The following BMP10 variants were observed in gnomAD, a reference collection of about 807,000 sequenced individuals.
BMP10 encodes the protein bone morphogenetic protein 10.
A neutral mutation model predicts 29.9 loss-of-function variants in BMP10; 9 were observed. The observed-to-expected ratio is 0.30, with a 90% confidence interval of 0.18 to 0.53. The LOEUF (loss-of-function observed/expected upper bound fraction) is 0.53, where lower values mean the gene tolerates loss of function less well. Among genes scored for constraint, BMP10 ranks in the 20% least tolerant of loss-of-function variants. The probability of loss-of-function intolerance (pLI) is 0.96; values close to 1 mark genes in which losing one functional copy is unlikely to be tolerated. For missense variants in BMP10, 474 were observed against 524.3 expected (o/e 0.90, Z 0.94); for synonymous variants, 202 against 200.2 (o/e 1.01, Z -0.07).
chr2:68,868,169 G>A (rs947289342), intron 1 of BMP10, among the ~76,000 whole-genome samples: 12 of 152,168 alleles, frequency 7.9e-5, no homozygotes, highest in Non-Finnish European at 4.4e-5. Context: ...ACAATTGAAT[G>A]GATTTGTAAA....
At position 68,866,255 on chromosome 2, in the gene BMP10, G is replaced by T. The variant is rs1417094459; in HGVS notation, c.651C>A (p.Thr217=). ...TCTCAATGTGGACCTCCAGCTGGTG[G>T]GTGGATGAGCCTGACTTTTGCCAAC... ...IRRWQKSGSS[T]HQLEVHIESK... The change falls in exon 2 of 2, where the codon ACC becomes ACA. Residue 217 remains threonine (T), a synonymous_variant. Transcript: ENST00000295379. The T allele has an allele frequency of 1.2e-6, 2 of 1,613,932 alleles. No individual in the cohort carries two copies. The highest frequency in any genetic ancestry group is 1.7e-6 in the Non-Finnish European group (2 of 1,179,966).
rs780683420 is a variant in BMP10 at position 68,866,289 on chromosome 2, G to C, written c.617C>G (p.Ala206Gly). ...GCCTGACTTTTGCCAACGTCTGATG[G>C]CATCTGTGACATCAAAAGTCTCCCA... is the stretch of plus-strand genomic sequence containing the variant. ...SEWETFDVTD[A>G]IRRWQKSGSS... The change falls in exon 2 of 2, where the codon GCC becomes GGC. Residue 206 changes from alanine to glycine, a missense_variant. This residue lies in a region of BMP10 where 408 missense variants were observed against 415.3 expected (regional missense o/e 0.98). Transcript: ENST00000295379. 6.2e-7 allele frequency: 1 copy of C among 1,613,922 alleles called. No homozygotes were observed. The highest frequency in any genetic ancestry group is 2.2e-5 in the East Asian group (1 of 44,868).
rs1171166044 is a variant in BMP10 at position 68,865,545 on chromosome 2, T to G, written c.*86A>C. The G allele has an allele frequency of 7.3e-7, 1 of 1,364,606 alleles. No individual in the cohort carries two copies. The highest frequency in any genetic ancestry group is 1.5e-5 in the African/African-American group (1 of 68,492). 84.5% of individuals were successfully genotyped at this position (1,364,606 alleles called of 1,614,324 possible). ...CCTGAAGGCAGCAAGCCTCTATTAC[T>G]GTACACCCTTATTAAATAATCTCAT... On this transcript the variant is annotated 3_prime_UTR_variant, in exon 2 of 2. Coordinates refer to ENST00000295379, the MANE Select transcript of BMP10 (RefSeq NM_014482.3). This position sits in a 1 kb window ranked among gnomAD's most constrained non-coding sequence, Gnocchi z 4.7.
At position 68,870,110 on chromosome 2, in the gene BMP10, C is replaced by T. The variant is rs529749455; in HGVS notation, c.334+915G>A. Among the ~76,000 whole-genome samples, 20 of 152,262 alleles carry T rather than the reference C, an allele frequency of 1.3e-4. 1 individual carries two copies. Among genetic ancestry groups the T allele is most frequent in the Non-Finnish European group, 2.1e-4 (14 of 68,030 alleles). On this transcript the variant is annotated intron_variant, in intron 1 of 1. Coordinates refer to ENST00000295379, the MANE Select transcript of BMP10 (RefSeq NM_014482.3). The stretch of plus-strand genomic sequence containing the variant: ...TTCAAGAACATCTGGCCAATATTAA[C>T]GGGAAGCTTCTTTTATACCTGGTTA...
chr2:68,869,624 T>C (rs1657840113), intron 1 of BMP10, among the ~76,000 whole-genome samples: 1 of 152,160 alleles, frequency 6.6e-6, no homozygotes, highest in South Asian at 2.1e-4. Context: ...AGCCAGACAC[T>C]TAGGGCTCAG....
rs1031366838 is a variant in BMP10, at chr2:68,867,690, G to A, written c.335-1119C>T. 3.9e-5 allele frequency among the ~76,000 whole-genome samples: 6 copies of A among 152,108 alleles called. No individual in the cohort carries two copies. The South Asian group carries it at 8.3e-4, about 21-fold the overall frequency. ...GATTATCAAAGGACTCCATGGCACC[G>A]AAGATGCTAAGGACCACCAACTGGG... On this transcript the variant is annotated intron_variant, in intron 1 of 1. Transcript: ENST00000295379.
In BMP10 at chr2:68,865,618, T is replaced by C; in HGVS notation, c.*13A>G. ...ACATTTACAGTTATTAAATAAGCCA[T>C]AGGACTCTTCTTCTATCTACAGCCA... On this transcript the variant is annotated 3_prime_UTR_variant, in exon 2 of 2. Transcript: ENST00000295379. The surrounding 1 kb of genome is among the most constrained non-coding windows in gnomAD (Gnocchi z 4.7). The C allele has an allele frequency of 7.5e-6, 12 of 1,605,454 alleles. No individual in the cohort carries two copies. The highest frequency in any genetic ancestry group is 9.4e-6 in the Non-Finnish European group (11 of 1,173,078).
chr2:68,870,475 C>T (rs1683045842), intron 1 of BMP10, among the ~76,000 whole-genome samples: 1 of 152,192 alleles, frequency 6.6e-6, no homozygotes, highest in Admixed American at 6.5e-5. Context: ...CATGACACAT[C>T]AAACAACACA....
chr2:68,868,509 G>A (rs560106102), intron 1 of BMP10, among the ~76,000 whole-genome samples: 1 of 152,258 alleles, frequency 6.6e-6, no homozygotes, highest in East Asian at 1.9e-4. Flanking sequence ...TCCCTTCTAT[G>A]TCTCTATCCT....
At chr2:68,870,652 T>C (rs943152924) in intron 1 of BMP10, among the ~76,000 whole-genome samples, 1 of 152,256 alleles carries the variant, frequency 6.6e-6, no homozygotes. Context: ...AGAAATTTTT[T>C]AGTTAATTAA....
rs116118000 is a variant in BMP10, at chr2:68,863,493, C to T, written c.*2138G>A. Among the ~76,000 whole-genome samples the T allele has an allele frequency of 2.2e-3, 340 of 152,284 alleles. No individual in the cohort carries two copies. The highest frequency in any genetic ancestry group is 8.0e-3 in the African/African-American group (332 of 41,552). ...ACCATGGAGTATGAAGGATGCACCA[C>T]GTTCCACTGAGGGTATTAAGCGTGG... On this transcript the variant is annotated 3_prime_UTR_variant, in exon 2 of 2. Transcript: ENST00000295379.
rs1452565156 is a variant in BMP10 at position 68,863,002 on chromosome 2, G to A, written c.*2629C>T. 1.3e-5 allele frequency among the ~76,000 whole-genome samples: 2 copies of A among 152,174 alleles called. No individual in the cohort carries two copies. Among genetic ancestry groups the A allele is most frequent in the Non-Finnish European group, 2.9e-5 (2 of 68,036 alleles). ...CAGAAGAGTGACTATAAGTGCTCGA[G>A]ACAAGATTTCTCCAGAAGCCCGGAG... On this transcript the variant is annotated 3_prime_UTR_variant, in exon 2 of 2. Coordinates refer to ENST00000295379, the MANE Select transcript of BMP10 (RefSeq NM_014482.3).
Position 68,871,102 on chromosome 2 carries a change from A to C in BMP10, c.257T>G (p.Leu86Trp), listed in dbSNP as rs925730683. ...SAKVDPPEYM[L>W]ELYNKFATDR... Reference sequence around the variant, plus strand: ...TGTTGCAAATTTGTTGTAGAGTTCCAACATGTACTCTGGTGGGTCCACCTT... The same window carrying C: ...TGTTGCAAATTTGTTGTAGAGTTCCCACATGTACTCTGGTGGGTCCACCTT... The change falls in exon 1 of 2, where the codon TTG becomes TGG. Residue 86 changes from leucine to tryptophan, a missense_variant. Physicochemically the swap from Leu to Trp is moderately conservative, Grantham distance 61 (BLOSUM62 -2). Transcript: ENST00000295379. 1 of 1,614,162 alleles carries C rather than the reference A, an allele frequency of 6.2e-7. No individual in the cohort carries two copies. Among genetic ancestry groups the C allele is most frequent in the African/African-American group, 1.3e-5 (1 of 75,048 alleles).
Position 68,865,760 on chromosome 2 carries a change from C to T in BMP10, c.1146G>A (p.Gln382=), listed in dbSNP as rs144656439. Residue 382 remains glutamine (Q), a synonymous_variant, in exon 2 of 2, where the codon CAG becomes CAA. Coordinates refer to ENST00000295379, the MANE Select transcript of BMP10 (RefSeq NM_014482.3). The surrounding 1 kb of genome is among the most constrained non-coding windows in gnomAD (Gnocchi z 4.7). ...GCACACAGCAGGCTTTGGAAGCTTT[C>T]TGGGAATTCTTGAGGTGGACCAAGG... ...IQALVHLKNS[Q]KASKACCVPT... is the part of the protein sequence containing the mutation. The T allele has an allele frequency of 1.9e-4, 306 of 1,614,048 alleles. 1 individual carries two copies. The African/African-American group carries it at 3.9e-3, about 20-fold the overall frequency.
rs1682922159 is a variant in BMP10 at position 68,864,797 on chromosome 2, A to C, written c.*834T>G. On this transcript the variant is annotated 3_prime_UTR_variant, in exon 2 of 2. Transcript: ENST00000295379. ...ACATCTGAGGATAGCCTCTGAGGAT[A>C]ACATCAATATCCTCTTCCCTTTCTC... is the stretch of plus-strand genomic sequence containing the variant. 6.6e-6 allele frequency among the ~76,000 whole-genome samples: 1 copy of C among 152,204 alleles called. No individual in the cohort carries two copies. The highest frequency in any genetic ancestry group is 2.4e-5 in the African/African-American group (1 of 41,454).
In BMP10 at chr2:68,865,629, T is replaced by G. The variant is rs763748578; in HGVS notation, c.*2A>C. The G allele has an allele frequency of 1.9e-6, 3 of 1,612,226 alleles. No homozygotes were observed. Reference sequence around the variant, plus strand: ...TATTAAATAAGCCATAGGACTCTTCTTCTATCTACAGCCACATTCGGAGAC... The same window carrying G: ...TATTAAATAAGCCATAGGACTCTTCGTCTATCTACAGCCACATTCGGAGAC... On this transcript the variant is annotated 3_prime_UTR_variant, in exon 2 of 2. Transcript: ENST00000295379. This position sits in a 1 kb window ranked among gnomAD's most constrained non-coding sequence, Gnocchi z 4.7.
Position 68,865,540 on chromosome 2 carries a change from A to G in BMP10, c.*91T>C. 1 of 1,322,258 alleles carries G rather than the reference A, an allele frequency of 7.6e-7. No homozygotes were observed. Among genetic ancestry groups the G allele is most frequent in the Non-Finnish European group, 1.0e-6 (1 of 955,792 alleles). 81.9% of individuals were successfully genotyped at this position (1,322,258 alleles called of 1,614,324 possible). ...CATTTCCTGAAGGCAGCAAGCCTCTATTACTGTACACCCTTATTAAATAAT... is the reference window on the plus strand; with the variant it reads ...CATTTCCTGAAGGCAGCAAGCCTCTGTTACTGTACACCCTTATTAAATAAT... On this transcript the variant is annotated 3_prime_UTR_variant, in exon 2 of 2. Coordinates refer to ENST00000295379, the MANE Select transcript of BMP10 (RefSeq NM_014482.3). This position sits in a 1 kb window ranked among gnomAD's most constrained non-coding sequence, Gnocchi z 4.7.
At position 68,865,500 on chromosome 2, in the gene BMP10, A is replaced by G. The variant is rs987061866; in HGVS notation, c.*131T>C. On this transcript the variant is annotated 3_prime_UTR_variant, in exon 2 of 2. Coordinates refer to ENST00000295379, the MANE Select transcript of BMP10 (RefSeq NM_014482.3). The surrounding 1 kb of genome is among the most constrained non-coding windows in gnomAD (Gnocchi z 4.7). ...GAGAGGAAAATATGCATTTCCTACA[A>G]CAAACTGACCTGTCCATTTCCTGAA... The G allele has an allele frequency of 5.3e-6, 5 of 937,452 alleles. No individual in the cohort carries two copies. Among genetic ancestry groups the G allele is most frequent in the Non-Finnish European group, 7.9e-6 (5 of 631,560 alleles). 58.1% of individuals were successfully genotyped at this position (937,452 alleles called of 1,614,324 possible).
Position 68,865,709 on chromosome 2 carries a change from G to T in BMP10, c.1197C>A (p.Ile399=), listed in dbSNP as rs747231036. 1 of 1,614,120 alleles carries T rather than the reference G, an allele frequency of 6.2e-7. No homozygotes were observed. The change falls in exon 2 of 2, where the codon ATC becomes ATA. Residue 399 remains isoleucine, a synonymous_variant. Coordinates refer to ENST00000295379, the MANE Select transcript of BMP10 (RefSeq NM_014482.3). The surrounding 1 kb of genome is among the most constrained non-coding windows in gnomAD (Gnocchi z 4.7). ...TGACGACGCCTTTGTCTAAATAGAGGATGGAGATGGGCTCTAGCTTTGTGG... is the reference window on the plus strand; with the variant it reads ...TGACGACGCCTTTGTCTAAATAGAGTATGGAGATGGGCTCTAGCTTTGTGG... The part of the protein sequence containing the change: ...CVPTKLEPIS[I]LYLDKGVVTY...
Sources: gnomAD v4.1 joint callset for allele counts (sites outside exome capture counted in the v4.1 genomes callset) on GRCh38, gnomAD v4.1.1 for gene constraint, gnomAD v4.1.1 regional missense constraint, Gnocchi (gnomAD v3.1) non-coding constraint, MANE v1.5 for transcripts, NCBI Gene and HGNC (gene_info 2026-07-23, HGNC 2026-07-21) for gene names.